The following CEP57 variants were observed in gnomAD, a reference collection of about 807,000 sequenced individuals.
CEP57 encodes centrosomal protein of 57 kDa.
A neutral mutation model predicts 68.0 loss-of-function variants in CEP57; 40 were observed. That is an observed-to-expected ratio of 0.59 (90% CI 0.46 to 0.77). CEP57 has a LOEUF of 0.77. Among genes scored for constraint, CEP57 ranks in the 30% least tolerant of loss-of-function variants. The pLI, the probability that CEP57 is intolerant of heterozygous loss-of-function variation, is 0.00. For missense variants in CEP57, 606 were observed against 580.7 expected (o/e 1.04, Z -0.45); for synonymous variants, 219 against 198.7 (o/e 1.10, Z -0.86).
At position 95,812,952 on chromosome 11, in the gene CEP57, A is replaced by T. The variant is rs200595794; in HGVS notation, c.223A>T (p.Asn75Tyr). 1 of 1,614,032 alleles carries T rather than the reference A, an allele frequency of 6.2e-7. No individual in the cohort carries two copies. Among genetic ancestry groups the T allele is most frequent in the East Asian group, 2.2e-5 (1 of 44,856 alleles). Residue 75 changes from asparagine (N) to tyrosine (Y), a missense_variant, in exon 3 of 11, where the codon AAT (asparagine) becomes TAT (tyrosine). Physicochemically the swap from Asn to Tyr is moderately radical, Grantham distance 143 (BLOSUM62 -2). Coordinates refer to ENST00000325542, the MANE Select transcript of CEP57 (RefSeq NM_014679.5). ...GGCAGCCATATTTTCTGCTCTTAAG[A>T]ATCTTCAAGATAAGATTCGACGCTT... ...NSRAIFSALK[N>Y]LQDKIRRLEL... is the part of the protein sequence containing the mutation.
At chr11:95,826,906 A>T (rs528877226) in intron 8 of CEP57, 4 of 152,360 alleles carry the variant, frequency 2.6e-5, no homozygotes, top group African/African-American at 9.6e-5. Flanking sequence ...TTGCTAGCTA[A>T]CAATAGAAAC....
chr11:95,825,418 TAA>T (rs1043330774), intron 8 of CEP57, among the ~76,000 whole-genome samples: 11 of 152,054 alleles, frequency 7.2e-5, no homozygotes, highest in Non-Finnish European at 1.6e-4. Flanking sequence ...TTGGAGAAAT[TAA>T]AGAGTCAGTA....
intron 1 of CEP57, chr11:95,794,366 G>A (rs1314870239): frequency 4.4e-6 from 2 of 455,368 alleles, no homozygotes; most frequent in Non-Finnish European, 8.8e-6. Context: ...CAGAGTATGT[G>A]CGTCTTCAGC....
chr11:95,829,886 TG>T (rs1266692067), intron 10 of CEP57, among the ~76,000 whole-genome samples: 13 of 152,038 alleles, frequency 8.6e-5, no homozygotes, highest in African/African-American at 3.1e-4. Context: ...GTATCAGAGG[TG>T]GTCAGCAAGA....
rs146842170 is a variant in CEP57 at position 95,819,255 on chromosome 11, T to C, written c.699+351T>C. Among the ~76,000 whole-genome samples the C allele has an allele frequency of 9.2e-5, 14 of 152,356 alleles. No individual in the cohort carries two copies. The East Asian group carries it at 1.2e-3, about 13-fold the overall frequency. ...AAGCTATCTTTCAGTATTGTACTTA[T>C]AGGTACTTCTCTTTGGTGGCCTCAA... is the stretch of plus-strand genomic sequence containing the variant. On this transcript the variant is annotated intron_variant, in intron 6 of 10. Transcript: ENST00000325542.
chr11:95,796,884 A>C (rs1591045480), intron 1 of CEP57, among the ~76,000 whole-genome samples: 1 of 152,306 alleles, frequency 6.6e-6, no homozygotes, highest in East Asian at 1.9e-4. Flanking sequence ...AGTTTTATAA[A>C]GGACACAACT....
intron 10 of CEP57, among the ~76,000 whole-genome samples, chr11:95,830,063 G>C (rs538896192): frequency 1.1e-4 from 16 of 152,332 alleles, no homozygotes; most frequent in Admixed American, 2.0e-4. Context: ...GAGCAGAACA[G>C]TTTTGTTGAC....
chr11:95,818,073 C>A (rs1293230428), intron 5 of CEP57, 170 bp downstream of exon 5: 11 of 591,016 alleles, frequency 1.9e-5, no homozygotes, highest in Non-Finnish European at 2.7e-5. Flanking sequence ...TCACATTTTA[C>A]AATCTTGGTG....
chr11:95,824,191 A>G (rs1197933675), intron 8 of CEP57, among the ~76,000 whole-genome samples: 1 of 152,016 alleles, frequency 6.6e-6, no homozygotes, highest in African/African-American at 2.4e-5. Context: ...GACTGTAGTA[A>G]GCGATGATGG....
In CEP57 at chr11:95,818,916, T is replaced by C. The variant is rs771347163; in HGVS notation, c.699+12T>C. The C allele has an allele frequency of 1.3e-6, 2 of 1,599,412 alleles. No homozygotes were observed. The highest frequency in any genetic ancestry group is 1.7e-6 in the Non-Finnish European group (2 of 1,166,896). ...CTAAGGCAGCTGAGGTAAGTTAAAA[T>C]GTGAGAAAGTGGGCTCTTCATATTT... On this transcript the variant is annotated intron_variant, in intron 6 of 10. Coordinates refer to ENST00000325542, the MANE Select transcript of CEP57 (RefSeq NM_014679.5).
intron 6 of CEP57, among the ~76,000 whole-genome samples, chr11:95,819,140 A>T (rs1334860374): frequency 1.3e-5 from 2 of 152,160 alleles, no homozygotes; most frequent in African/African-American, 4.8e-5. Context: ...CATTTTAAAA[A>T]ATAACAGACT....
intron 9 of CEP57, 65 bp from the exon 10 acceptor site, chr11:95,829,122 G>T: frequency 2.0e-6 from 3 of 1,536,642 alleles, no homozygotes; most frequent in Middle Eastern, 1.7e-4. Context: ...CCATAATGAG[G>T]TATAATAGAC....
chr11:95,828,390 C>T (rs1385878185), intron 9 of CEP57, among the ~76,000 whole-genome samples: 1 of 152,152 alleles, frequency 6.6e-6, no homozygotes, highest in African/African-American at 2.4e-5. Flanking sequence ...TAGCTTATTG[C>T]TCCTAGGCTA....
intron 2 of CEP57, among the ~76,000 whole-genome samples, chr11:95,806,319 G>A (rs1351362846): frequency 6.6e-6 from 1 of 152,238 alleles, no homozygotes; most frequent in Non-Finnish European, 1.5e-5. Context: ...TGACACAGAA[G>A]ACGGGTGATT....
At chr11:95,815,454 C>T (rs1477892534) in intron 4 of CEP57, among the ~76,000 whole-genome samples, 2 of 152,070 alleles carry the variant, frequency 1.3e-5, no homozygotes, top group Admixed American at 1.3e-4. Flanking sequence ...TTGATGTTTT[C>T]AAAGTGTTAA....
At chr11:95,818,070 T>C (rs1022297201) in intron 5 of CEP57, 167 bp downstream of exon 5, 24 of 614,008 alleles carry the variant, frequency 3.9e-5, no homozygotes, top group Non-Finnish European at 6.7e-5. Flanking sequence ...TGTTCACATT[T>C]TACAATCTTG....
chr11:95,829,992 A>G (rs1748447252), intron 10 of CEP57, among the ~76,000 whole-genome samples: 1 of 152,186 alleles, frequency 6.6e-6, no homozygotes, highest in Non-Finnish European at 1.5e-5. Flanking sequence ...ATCATGTAGA[A>G]GGAGAGGGAG....
chr11:95,791,588 A>G lies in CEP57; in HGVS notation c.45+845A>G, dbSNP rs142391481. On this transcript the variant is annotated intron_variant, in intron 1 of 10. Transcript: ENST00000325542. ...AAACCCTGCTTTGAAGGAGAAAAAC[A>G]CTGAAGAGAAACTACACGTAATTAG... Among the ~76,000 whole-genome samples, 1,462 of 152,320 alleles carry G rather than the reference A, an allele frequency of 9.6e-3. 12 individuals are homozygous for G. Among genetic ancestry groups the G allele is most frequent in the Non-Finnish European group, 0.015 (1,031 of 68,028 alleles).
intron 5 of CEP57, among the ~76,000 whole-genome samples, chr11:95,818,591 T>C (rs920336534): frequency 2.0e-4 from 30 of 152,138 alleles, no homozygotes; most frequent in African/African-American, 7.2e-4. Flanking sequence ...AGTGCTGTGT[T>C]CTTTGGCCAT....
Sources: allele counts gnomAD v4.1 joint callset (sites outside exome capture counted in the v4.1 genomes callset), GRCh38; gene constraint gnomAD v4.1.1; transcripts MANE v1.5; gene names NCBI Gene and HGNC (gene_info 2026-07-23, HGNC 2026-07-21).